CNTNAP5: variants seen among roughly 807,000 people sequenced by gnomAD.
CNTNAP5 encodes contactin-associated protein-like 5.
CNTNAP5 carries 72 observed loss-of-function variants against 150.2 expected under a neutral mutation model. That is an observed-to-expected ratio of 0.48 (90% confidence interval 0.40 to 0.58). CNTNAP5 has a LOEUF of 0.58. CNTNAP5 is among the 20% of genes least tolerant of loss of function. CNTNAP5 has a pLI of 0.00. For missense variants in CNTNAP5, 1,636 were observed against 1,626.2 expected (o/e 1.01, Z -0.10); for synonymous variants, 672 against 619.8 (o/e 1.08, Z -1.25).
intron 19 of CNTNAP5, among the ~76,000 whole-genome samples, chr2:124,833,030 C>G (rs150452380): frequency 8.6e-5 from 13 of 151,714 alleles, no homozygotes; most frequent in African/African-American, 3.1e-4. Flanking sequence ...CCACATCAGT[C>G]TCTCAAATAG....
chr2:124,041,763 C>T (rs1011869267), intron 1 of CNTNAP5, among the ~76,000 whole-genome samples: 2 of 152,110 alleles, frequency 1.3e-5, no homozygotes, highest in Non-Finnish European at 2.9e-5. Context: ...TCTCCCACAA[C>T]AGATAATTAT....
rs536792962 is a variant in CNTNAP5, at chr2:124,234,539, A to G, written c.188-7661A>G. 1.8e-3 allele frequency among the ~76,000 whole-genome samples: 275 copies of G among 152,170 alleles called. 1 individual carries two copies. Among genetic ancestry groups the G allele is most frequent in the African/African-American group, 6.5e-3 (268 of 41,534 alleles). On this transcript the variant is annotated intron_variant, in intron 2 of 23. Transcript: ENST00000682447. ...AGCCTGTAAGTTTTATATACATGAC[A>G]CTCCCATCCAAGTTTTTTAAAATGC...
intron 14 of CNTNAP5, among the ~76,000 whole-genome samples, chr2:124,754,471 G>A (rs562584750): frequency 6.6e-6 from 1 of 152,200 alleles, no homozygotes; most frequent in East Asian, 1.9e-4. Context: ...TCTTGTGTTG[G>A]AGAGGAGTGT....
At chr2:124,394,717 A>C (rs868108004) in intron 3 of CNTNAP5, among the ~76,000 whole-genome samples, 26 of 152,338 alleles carry the variant, frequency 1.7e-4, no homozygotes, top group African/African-American at 5.8e-4. Context: ...GAAGAAACTA[A>C]GGCTTAGAGG....
chr2:124,583,498 T>C (rs6753520), intron 11 of CNTNAP5, among the ~76,000 whole-genome samples: 68,279 of 152,072 alleles, frequency 0.45, 16,023 homozygotes, highest in East Asian at 0.7. Flanking sequence ...TATTAACCCA[T>C]TGCAGTTCAA....
intron 10 of CNTNAP5, among the ~76,000 whole-genome samples, chr2:124,541,929 T>A (rs1479452599): frequency 1.3e-5 from 2 of 152,148 alleles, no homozygotes; most frequent in Non-Finnish European, 2.9e-5. Flanking sequence ...CATAGTGGAT[T>A]CCCAACTCAA....
chr2:124,163,096 T>C (rs1326536027), intron 1 of CNTNAP5, among the ~76,000 whole-genome samples: 2 of 152,042 alleles, frequency 1.3e-5, no homozygotes, highest in East Asian at 1.9e-4. Context: ...AATCATGGAT[T>C]CTTAAATTTG....
intron 12 of CNTNAP5, among the ~76,000 whole-genome samples, chr2:124,636,377 T>G (rs1558714277): frequency 6.6e-6 from 1 of 152,206 alleles, no homozygotes; most frequent in Non-Finnish European, 1.5e-5. Flanking sequence ...TTCATTATTC[T>G]GTCCCCAGAA....
intron 1 of CNTNAP5, among the ~76,000 whole-genome samples, chr2:124,098,808 G>A (rs747392300): frequency 2.0e-5 from 3 of 152,122 alleles, no homozygotes; most frequent in Non-Finnish European, 2.9e-5. Context: ...TTATGCCTCT[G>A]GGAAACATCA....
At position 124,713,241 on chromosome 2, in the gene CNTNAP5, TTCTCTTTCTTTCTTTCTTTCTTTCTTTC is replaced by T. The variant is rs1209733898; in HGVS notation, c.2078-33986_2078-33959del. 9.4e-3 allele frequency among the ~76,000 whole-genome samples: 525 copies of T among 55,964 alleles called. 67 individuals carry two copies. The highest frequency in any genetic ancestry group is 0.046 in the South Asian group (60 of 1,304). The allele number at this position is 55,964 out of a possible 152,430, so 36.7% of individuals were successfully genotyped here. A position where few individuals can be genotyped will look rare whatever the true frequency, so the allele number is the denominator to read the frequency against. On this transcript the variant is annotated intron_variant, in intron 13 of 23. Coordinates refer to ENST00000682447, the MANE Select transcript of CNTNAP5 (RefSeq NM_001367498.1). ...TCTGTTTCTTTCTTTCTTTCTTTCT[TTCTCTTTCTTTCTTTCTTTCTTTCTTTC>T]TTTCTTTCTTTCTTTCTTTCTTTCT...
At chr2:124,216,725 T>C (rs946712194) in intron 1 of CNTNAP5, among the ~76,000 whole-genome samples, 1 of 152,190 alleles carries the variant, frequency 6.6e-6, no homozygotes, top group Non-Finnish European at 1.5e-5. Context: ...GAACTCATCA[T>C]TTTTTATGGC....
At chr2:124,905,686 G>A (rs1678520874) in intron 22 of CNTNAP5, among the ~76,000 whole-genome samples, 2 of 152,148 alleles carry the variant, frequency 1.3e-5, no homozygotes, top group South Asian at 2.1e-4. Context: ...AGAGCCACAT[G>A]GAGAAGTGCT....
chr2:124,119,876 T>C (rs1683519988), intron 1 of CNTNAP5, among the ~76,000 whole-genome samples: 1 of 152,204 alleles, frequency 6.6e-6, no homozygotes, highest in South Asian at 2.1e-4. Context: ...CATCAGGGAA[T>C]AGTGTATTCA....
intron 1 of CNTNAP5, among the ~76,000 whole-genome samples, chr2:124,169,666 A>G (rs1288072378): frequency 6.6e-6 from 1 of 152,216 alleles, no homozygotes; most frequent in Admixed American, 6.5e-5. Context: ...ATAATGCTTC[A>G]AAAATGAAAA....
At chr2:124,187,130 G>A (rs1037677008) in intron 1 of CNTNAP5, among the ~76,000 whole-genome samples, 1 of 151,876 alleles carries the variant, frequency 6.6e-6, no homozygotes, top group East Asian at 1.9e-4. Flanking sequence ...TTCTTCAAAT[G>A]CAATAGAAGA....
intron 3 of CNTNAP5, among the ~76,000 whole-genome samples, chr2:124,269,058 C>T (rs1687681118): frequency 6.6e-6 from 1 of 152,010 alleles, no homozygotes; most frequent in Non-Finnish European, 1.5e-5. Flanking sequence ...GGAGAGTACC[C>T]CCTGCTCCCC....
At chr2:124,156,704 A>G (rs1476625558) in intron 1 of CNTNAP5, among the ~76,000 whole-genome samples, 1 of 152,134 alleles carries the variant, frequency 6.6e-6, no homozygotes, top group Non-Finnish European at 1.5e-5. Context: ...CATGTTGGCC[A>G]GGCTGGTCAC....
At chr2:124,278,011 T>G (rs1457210264) in intron 3 of CNTNAP5, among the ~76,000 whole-genome samples, 1 of 152,138 alleles carries the variant, frequency 6.6e-6, no homozygotes, top group Non-Finnish European at 1.5e-5. Flanking sequence ...CAGTGCCAGT[T>G]CCTCCTCCAG....
chr2:124,357,969 C>T (rs1294322606), intron 3 of CNTNAP5, among the ~76,000 whole-genome samples: 6 of 149,498 alleles, frequency 4.0e-5, no homozygotes, highest in South Asian at 2.1e-4. Context: ...TGTTTGTATC[C>T]TCTTTTATTT....
Sources: gnomAD v4.1 joint callset for allele counts (sites outside exome capture counted in the v4.1 genomes callset) on GRCh38, gnomAD v4.1.1 for gene constraint, MANE v1.5 for transcripts, NCBI Gene and HGNC (gene_info 2026-07-23, HGNC 2026-07-21) for gene names.